Variants in SYT14 observed in about 807,000 individuals in gnomAD.
SYT14 encodes synaptotagmin 14.
A neutral mutation model predicts 74.2 loss-of-function variants in SYT14; 32 were observed. The observed-to-expected ratio is 0.43, with a 90% CI of 0.33 to 0.58. SYT14 has a LOEUF of 0.58. SYT14 is among the 20% of genes least tolerant of loss of function. The pLI, the probability that SYT14 is intolerant of heterozygous loss-of-function variation, is 0.05. For synonymous variants in SYT14, 298 were observed against 337.7 expected, an observed-to-expected ratio of 0.88 and a Z score of 1.29; for missense variants, 791 against 981.8, an observed-to-expected ratio of 0.81 and a Z score of 2.60.
chr1:210,062,636 A>G (rs1339652420), intron 5 of SYT14, among the ~76,000 whole-genome samples: 1 of 151,902 alleles, frequency 6.6e-6, no homozygotes, highest in Non-Finnish European at 1.5e-5. Context: ...TGTAGTTTAC[A>G]AATGAAATTT....
At chr1:209,955,385 C>A (rs554911764) in intron 2 of SYT14, among the ~76,000 whole-genome samples, 1 of 152,178 alleles carries the variant, frequency 6.6e-6, no homozygotes, top group Non-Finnish European at 1.5e-5. Flanking sequence ...TTACGCAACT[C>A]CTAACTTAAG....
intron 1 of SYT14, among the ~76,000 whole-genome samples, chr1:209,948,781 G>A (rs182251322): frequency 6.6e-6 from 1 of 152,196 alleles, no homozygotes; most frequent in Admixed American, 6.5e-5. Context: ...GACAAATGTA[G>A]TTCTGAGTTC....
At chr1:210,034,306 A>G (rs1254410344) in intron 5 of SYT14, among the ~76,000 whole-genome samples, 1 of 151,818 alleles carries the variant, frequency 6.6e-6, no homozygotes, top group Non-Finnish European at 1.5e-5. Context: ...AACTTAGATA[A>G]CATAATATGA....
chr1:210,087,145 G>C (rs914831733), intron 5 of SYT14, among the ~76,000 whole-genome samples: 1 of 152,074 alleles, frequency 6.6e-6, no homozygotes, highest in African/African-American at 2.4e-5. Context: ...TCCTGCCTGA[G>C]TTTTAGTACC....
At chr1:209,998,686 AT>A in intron 2 of SYT14, among the ~76,000 whole-genome samples, 1 of 152,154 alleles carries the variant, frequency 6.6e-6, no homozygotes, top group South Asian at 2.1e-4. Flanking sequence ...CCAAGAACAT[AT>A]TTTGTGGAAA....
intron 5 of SYT14, among the ~76,000 whole-genome samples, chr1:210,036,168 GT>G (rs2080658103): frequency 6.6e-6 from 1 of 151,354 alleles, no homozygotes; most frequent in African/African-American, 2.4e-5. Flanking sequence ...GTTTGTTTTT[GT>G]TTTTGTTTTT....
intron 2 of SYT14, among the ~76,000 whole-genome samples, chr1:209,954,109 A>G (rs536958889): frequency 1.2e-4 from 18 of 152,366 alleles, no homozygotes; most frequent in African/African-American, 4.3e-4. Context: ...AAGACACAGT[A>G]AAGCTTAGTT....
intron 5 of SYT14, among the ~76,000 whole-genome samples, chr1:210,032,932 AT>A (rs139902336): frequency 2.9e-4 from 43 of 149,486 alleles, no homozygotes; most frequent in South Asian, 6.3e-4. Flanking sequence ...TGCATTTTCA[AT>A]TTTTTTTTTG....
chr1:210,123,925 GAAAAAATGCTCA>G (rs1181284214), intron 7 of SYT14, among the ~76,000 whole-genome samples: 1 of 151,970 alleles, frequency 6.6e-6, no homozygotes, highest in Non-Finnish European at 1.5e-5. Context: ...TTTTAAAAGA[GAAAAAATGCTCA>G]GAAAAAGGAA....
intron 7 of SYT14, among the ~76,000 whole-genome samples, chr1:210,153,265 C>G (rs1458463837): frequency 6.6e-6 from 1 of 152,164 alleles, no homozygotes; most frequent in Non-Finnish European, 1.5e-5. Context: ...TTTAGCTCAT[C>G]TGTTTGTTGT....
rs370278014 is a variant in SYT14, at chr1:210,106,981, A to G, written c.2034+6520A>G. Among the ~76,000 whole-genome samples, 10 of 152,262 alleles carry G rather than the reference A, an allele frequency of 6.6e-5. No homozygotes were observed. The South Asian group carries it at 8.3e-4, about 13-fold the overall frequency. On this transcript the variant is annotated intron_variant, in intron 7 of 9. Coordinates refer to ENST00000637265, the Ensembl canonical transcript of SYT14. ...GTTACTTCTTAGATGCAATGGAGGT[A>G]CAGGCATTGAGTAAATACACCTGTT...
intron 2 of SYT14, among the ~76,000 whole-genome samples, chr1:209,998,669 A>C (rs1328945913): frequency 1.3e-5 from 2 of 152,078 alleles, no homozygotes; most frequent in Admixed American, 1.3e-4. Context: ...TCATTTTGAC[A>C]AAAGCCCCAA....
intron 2 of SYT14, chr1:209,965,791 GA>G (rs1396499826): frequency 5.1e-5 from 20 of 393,410 alleles, no homozygotes; most frequent in Non-Finnish European, 8.0e-5. Flanking sequence ...CTCATTTTTT[GA>G]AAAAAACTAT....
intron 2 of SYT14, among the ~76,000 whole-genome samples, chr1:209,977,148 G>T (rs550890950): frequency 6.6e-6 from 1 of 152,260 alleles, no homozygotes; most frequent in South Asian, 2.1e-4. Context: ...GATTGGTCTT[G>T]ACTGTTTGTC....
intron 2 of SYT14, among the ~76,000 whole-genome samples, chr1:209,972,317 A>G (rs887827229): frequency 1.3e-5 from 2 of 151,888 alleles, no homozygotes; most frequent in Non-Finnish European, 2.9e-5. Flanking sequence ...TTTTGGTTTC[A>G]TTGATTCTTC....
chr1:210,162,635 C>G, exon 10 of SYT14: 1 of 421,786 alleles, frequency 2.4e-6, no homozygotes, highest in Non-Finnish European at 4.6e-6. Flanking sequence ...CTAGTCCCAA[C>G]TAAGTACTAT....
At chr1:209,964,219 T>C (rs1203301341) in intron 2 of SYT14, among the ~76,000 whole-genome samples, 1 of 152,102 alleles carries the variant, frequency 6.6e-6, no homozygotes, top group East Asian at 1.9e-4. Flanking sequence ...GTTCCTCTTC[T>C]CTCCCACCTG....
At chr1:210,022,462 A>G (rs1432419000) in intron 5 of SYT14, among the ~76,000 whole-genome samples, 1 of 152,242 alleles carries the variant, frequency 6.6e-6, no homozygotes, top group Non-Finnish European at 1.5e-5. Context: ...AAATAATACA[A>G]AGCAGTAAAA....
intron 2 of SYT14, among the ~76,000 whole-genome samples, chr1:210,001,744 G>A (rs1057126544): frequency 1.3e-5 from 2 of 152,090 alleles, no homozygotes; most frequent in Non-Finnish European, 2.9e-5. Context: ...TAATGTTTAA[G>A]CAAAGACTCG....
Sources: allele counts gnomAD v4.1 joint callset (sites outside exome capture counted in the v4.1 genomes callset), GRCh38; gene constraint gnomAD v4.1.1; transcripts MANE v1.5; gene names NCBI Gene and HGNC (gene_info 2026-07-23, HGNC 2026-07-21).